The following PTGIS variants were observed in gnomAD, a reference collection of about 807,000 sequenced individuals.
PTGIS encodes prostacyclin synthase.
A neutral mutation model predicts 50.3 loss-of-function variants in PTGIS; 45 were observed. That is an observed-to-expected ratio of 0.90 (90% CI 0.70 to 1.15). PTGIS has a LOEUF of 1.15. Among genes scored for constraint, PTGIS ranks in the 50% most tolerant of loss-of-function variants. The pLI, the probability that PTGIS is intolerant of heterozygous loss-of-function variation, is 0.00. For missense variants in PTGIS, 668 were observed against 661.3 expected (o/e 1.01, Z -0.11); for synonymous variants, 260 against 267.7 (o/e 0.97, Z 0.28).
intron 6 of PTGIS, among the ~76,000 whole-genome samples, chr20:49,520,117 G>A (rs1402701366): frequency 6.6e-6 from 1 of 152,188 alleles, no homozygotes; most frequent in Admixed American, 6.5e-5. Flanking sequence ...ACAGGGACCT[G>A]TGTGGTCCGG....
Position 49,507,895 on chromosome 20 carries a change from C to T in PTGIS, c.*25G>A, listed in dbSNP as rs1271706165. ...CTGGGGCAGGCTGGGCAGAGGCGAG[C>T]ACGTGGATCCATCTGCTCCCTGTGT... On this transcript the variant is annotated 3_prime_UTR_variant, in exon 10 of 10. Coordinates refer to ENST00000244043, the MANE Select transcript of PTGIS (RefSeq NM_000961.4). 1.9e-6 allele frequency: 3 copies of T among 1,608,234 alleles called. No homozygotes were observed. The highest frequency in any genetic ancestry group is 1.7e-6 in the Non-Finnish European group (2 of 1,179,970).
At chr20:49,545,197 A>G (rs909300170) in intron 3 of PTGIS, among the ~76,000 whole-genome samples, 5 of 151,786 alleles carry the variant, frequency 3.3e-5, no homozygotes, top group Admixed American at 1.3e-4. Context: ...CCTGAGTCTA[A>G]GAGTTCAAGA....
intron 1 of PTGIS, among the ~76,000 whole-genome samples, chr20:49,567,511 G>A (rs73126221): frequency 0.021 from 3,167 of 152,160 alleles, 48 homozygotes; most frequent in Middle Eastern, 0.054. Context: ...CATCCCCCAG[G>A]GGCTCTACAC....
intron 1 of PTGIS, among the ~76,000 whole-genome samples, chr20:49,562,845 C>T (rs1481404778): frequency 2.0e-5 from 3 of 152,196 alleles, no homozygotes; most frequent in Admixed American, 6.5e-5. Flanking sequence ...GGATGTCACC[C>T]GCCTCCATGC....
chr20:49,537,368 T>C (rs183822861), intron 5 of PTGIS, among the ~76,000 whole-genome samples: 152 of 152,358 alleles, frequency 1.0e-3, no homozygotes, highest in Middle Eastern at 3.4e-3. Context: ...GGTAGATTTT[T>C]ACAAATCGAT....
At chr20:49,559,546 C>CAAGT (rs1318885919) in intron 1 of PTGIS, among the ~76,000 whole-genome samples, 1 of 152,182 alleles carries the variant, frequency 6.6e-6, no homozygotes, top group Non-Finnish European at 1.5e-5. Flanking sequence ...GAAAACAACT[C>CAAGT]AAGTGTTCGT....
chr20:49,512,194 T>C (rs1403448133), intron 8 of PTGIS, among the ~76,000 whole-genome samples: 1 of 151,958 alleles, frequency 6.6e-6, no homozygotes. Flanking sequence ...GATAGATTAA[T>C]GGATGGGTAG....
At chr20:49,530,327 A>G (rs373653859) in intron 5 of PTGIS, among the ~76,000 whole-genome samples, 2 of 152,154 alleles carry the variant, frequency 1.3e-5, no homozygotes, top group Admixed American at 6.5e-5. Context: ...CTGTTCATGC[A>G]CTGATGGACA....
chr20:49,567,730 G>C (rs1982936240), intron 1 of PTGIS, among the ~76,000 whole-genome samples: 1 of 152,120 alleles, frequency 6.6e-6, no homozygotes, highest in Non-Finnish European at 1.5e-5. Flanking sequence ...GTCCTCACCT[G>C]AAACCCCCTC....
chr20:49,511,222 C>G (rs1313722216), intron 8 of PTGIS, 43 bp from the exon 9 acceptor site: 1 of 1,609,626 alleles, frequency 6.2e-7, no homozygotes, highest in Non-Finnish European at 8.5e-7. Flanking sequence ...ATTCCCAGAA[C>G]AAGCTCACAC....
At chr20:49,534,279 T>G (rs1982013587) in intron 5 of PTGIS, among the ~76,000 whole-genome samples, 1 of 152,358 alleles carries the variant, frequency 6.6e-6, no homozygotes, top group South Asian at 2.1e-4. Context: ...ATCAAAGGAA[T>G]GTGCATTTTA....
chr20:49,527,262 T>C (rs1342238024), intron 5 of PTGIS, among the ~76,000 whole-genome samples: 4 of 145,070 alleles, frequency 2.8e-5, no homozygotes, highest in African/African-American at 1.0e-4. Flanking sequence ...ATGGGCAACA[T>C]GGTGAAACCC....
At chr20:49,517,382 A>G (rs1220744161) in intron 6 of PTGIS, among the ~76,000 whole-genome samples, 1 of 152,226 alleles carries the variant, frequency 6.6e-6, no homozygotes, top group East Asian at 1.9e-4. Context: ...CTCTGCCTGC[A>G]GGAAAAAGCT....
rs1981164411 is a variant in PTGIS, at chr20:49,506,844, G to A, written c.*1076C>T. 6.6e-6 allele frequency: 1 copy of A among 152,260 alleles called. No homozygotes were observed. The highest frequency in any genetic ancestry group is 6.5e-5 in the Admixed American group (1 of 15,278). The allele number at this position is 152,260 out of a possible 1,614,324, so 9.4% of individuals were successfully genotyped here. A position where few individuals can be genotyped will look rare whatever the true frequency, so the allele number is the denominator to read the frequency against. ...CGCTGTGAATGCAGAAGCAGACCCG[G>A]TCAGAACCCTGGTGAAGCCGAGAGC... On this transcript the variant is annotated 3_prime_UTR_variant, in exon 10 of 10. Transcript: ENST00000244043.
chr20:49,551,760 GTGTGTGTGTATGCGTGTGTA>G (rs1281586548), intron 1 of PTGIS, among the ~76,000 whole-genome samples: 10 of 142,764 alleles, frequency 7.0e-5, no homozygotes, highest in African/African-American at 3.1e-4. Context: ...GTGTGTTTAT[GTGTGTGTGTATGCGTGTGTA>G]TGTGTGTGTA....
At chr20:49,518,249 C>A (rs916506089) in intron 6 of PTGIS, among the ~76,000 whole-genome samples, 1 of 152,146 alleles carries the variant, frequency 6.6e-6, no homozygotes, top group Non-Finnish European at 1.5e-5. Context: ...TAAATTGTAA[C>A]AAATGTGCCA....
Position 49,541,453 on chromosome 20 carries a change from C to A in PTGIS, c.522-1732G>T, listed in dbSNP as rs369450104. Reference sequence around the variant, plus strand: ...AAATAAACCAAAAAAGTAAACCGGCCGGGAGAGGTGGCTCACGCCTGTAAT... The same window carrying A: ...AAATAAACCAAAAAAGTAAACCGGCAGGGAGAGGTGGCTCACGCCTGTAAT... On this transcript the variant is annotated intron_variant, in intron 4 of 9. Coordinates refer to ENST00000244043, the MANE Select transcript of PTGIS (RefSeq NM_000961.4). Among the ~76,000 whole-genome samples, 82 of 152,222 alleles carry A rather than the reference C, an allele frequency of 5.4e-4. 1 individual carries two copies. Among genetic ancestry groups the A allele is most frequent in the Admixed American group, 2.3e-3 (35 of 15,292 alleles).
At chr20:49,535,769 GC>G (rs1337169930) in intron 5 of PTGIS, among the ~76,000 whole-genome samples, 1 of 152,192 alleles carries the variant, frequency 6.6e-6, no homozygotes, top group East Asian at 1.9e-4. Context: ...ACCTGTCTCA[GC>G]CTCCCAAAGT....
chr20:49,556,186 A>C (rs1439975506), intron 1 of PTGIS, among the ~76,000 whole-genome samples: 1 of 152,188 alleles, frequency 6.6e-6, no homozygotes, highest in Non-Finnish European at 1.5e-5. Flanking sequence ...CAAAACTTGG[A>C]AACTATTTGT....
Sources: allele counts gnomAD v4.1 joint callset (sites outside exome capture counted in the v4.1 genomes callset), GRCh38; gene constraint gnomAD v4.1.1; transcripts MANE v1.5; gene names NCBI Gene and HGNC (gene_info 2026-07-23, HGNC 2026-07-21).